Variants in TEAD1 observed in about 807,000 individuals in gnomAD.
TEAD1 encodes transcriptional enhancer factor TEF-1.
TEAD1 carries 9 observed loss-of-function variants against 54.9 expected under a neutral mutation model. The ratio of observed to expected loss-of-function variants is 0.16; its 90% CI spans 0.10 to 0.29. The LOEUF is 0.29. Among genes scored for constraint, TEAD1 ranks in the 10% least tolerant of loss-of-function variants. The probability of loss-of-function intolerance (pLI) is 1.00; values close to 1 mark genes in which losing one functional copy is unlikely to be tolerated. For synonymous variants in TEAD1, 200 were observed against 187.8 expected (o/e 1.07, Z -0.53); for missense variants, 387 against 535.9 (o/e 0.72, Z 2.74).
chr11:12,837,779 C>CTCTTTTTCCT lies in TEAD1; in HGVS notation c.203-24467_203-24466insTTTCCTTCTT, dbSNP rs1946934243. 1.4e-5 allele frequency among the ~76,000 whole-genome samples: 2 copies of CTCTTTTTCCT among 138,570 alleles called. 1 individual carries two copies. The highest frequency in any genetic ancestry group is 5.5e-5 in the African/African-American group (2 of 36,650). The allele number at this position is 138,570 out of a possible 152,430, so 90.9% of individuals were successfully genotyped here. On this transcript the variant is annotated intron_variant, in intron 3 of 12. Coordinates refer to ENST00000527636, the MANE Select transcript of TEAD1 (RefSeq NM_021961.6). Reference sequence around the variant, plus strand: ...CTTCCTCTTCTTCTTCCTTCTCTTCCTCTTCTTCCTTCTTTCTTCCTTCTT... The same window carrying CTCTTTTTCCT: ...CTTCCTCTTCTTCTTCCTTCTCTTCCTCTTTTTCCTTCTTCTTCCTTCTTTCTTCCTTCTT...
chr11:12,793,742 A>G (rs906271659), intron 3 of TEAD1, among the ~76,000 whole-genome samples: 3 of 152,236 alleles, frequency 2.0e-5, no homozygotes, highest in African/African-American at 7.2e-5. Context: ...TCAAAAGAGA[A>G]CTATCCTGGA....
At position 12,919,054 on chromosome 11, in the gene TEAD1, T is replaced by C. The variant is rs976060027; in HGVS notation, c.874-5858T>C. Reference sequence around the variant, plus strand: ...TTCATCTGGGTGCTGGCTCACTTGATGAAAATTAATCAAGCTGTAAACTTC... The same window carrying C: ...TTCATCTGGGTGCTGGCTCACTTGACGAAAATTAATCAAGCTGTAAACTTC... On this transcript the variant is annotated intron_variant, in intron 10 of 12. Transcript: ENST00000527636. 2.6e-5 allele frequency among the ~76,000 whole-genome samples: 4 copies of C among 152,226 alleles called. No individual in the cohort carries two copies. The South Asian group carries it at 8.3e-4, about 32-fold the overall frequency.
intron 3 of TEAD1, among the ~76,000 whole-genome samples, chr11:12,824,287 C>T (rs1946606717): frequency 6.6e-6 from 1 of 152,104 alleles, no homozygotes; most frequent in Non-Finnish European, 1.5e-5. Context: ...AAATATTCAG[C>T]CGTTGTCTGC....
intron 2 of TEAD1, among the ~76,000 whole-genome samples, chr11:12,758,525 C>T (rs1370966552): frequency 6.6e-6 from 1 of 151,842 alleles, no homozygotes; most frequent in Admixed American, 6.5e-5. Context: ...ATTCTCCCAC[C>T]TCAGCCTCCT....
chr11:12,793,450 T>G (rs1484709240), intron 3 of TEAD1, among the ~76,000 whole-genome samples: 1 of 152,232 alleles, frequency 6.6e-6, no homozygotes, highest in East Asian at 1.9e-4. Context: ...TCTTATAGTT[T>G]TTTTGATTTT....
chr11:12,908,885 T>TTTTTTTTGTTG, intron 10 of TEAD1, among the ~76,000 whole-genome samples: 1 of 145,320 alleles, frequency 6.9e-6, no homozygotes, highest in East Asian at 2.1e-4. Context: ...AATTATCTGT[T>TTTTTTTTGTTG]TTTTTTTTTT....
At position 12,870,747 on chromosome 11, in the gene TEAD1, A is replaced by G. The variant is rs11820551; in HGVS notation, c.330+5847A>G. ...CTAAAATACAAAAAATTAGCCAGGTATGGCAGTGTGCACCGGCAGTTATAG... is the reference window on the plus strand; with the variant it reads ...CTAAAATACAAAAAATTAGCCAGGTGTGGCAGTGTGCACCGGCAGTTATAG... On this transcript the variant is annotated intron_variant, in intron 5 of 12. Coordinates refer to ENST00000527636, the MANE Select transcript of TEAD1 (RefSeq NM_021961.6). 2.0e-5 allele frequency among the ~76,000 whole-genome samples: 3 copies of G among 152,122 alleles called. No homozygotes were observed. In the East Asian group the frequency reaches 5.8e-4, roughly 29 times the overall value.
At chr11:12,687,714 T>C (rs1295131093) in intron 2 of TEAD1, among the ~76,000 whole-genome samples, 1 of 152,196 alleles carries the variant, frequency 6.6e-6, no homozygotes, top group African/African-American at 2.4e-5. Context: ...TACAAACATA[T>C]GGCTAAGGTC....
chr11:12,844,959 CTT>C (rs3046338), intron 3 of TEAD1, among the ~76,000 whole-genome samples: 315 of 64,670 alleles, frequency 4.9e-3, no homozygotes, highest in Admixed American at 7.3e-3. Flanking sequence ...TGTATGAAAT[CTT>C]TTTTTTTTTT....
intron 3 of TEAD1, among the ~76,000 whole-genome samples, chr11:12,809,437 C>T (rs1473333864): frequency 1.3e-5 from 2 of 152,116 alleles, no homozygotes; most frequent in East Asian, 3.9e-4. Context: ...ATTGCTGGGC[C>T]CCCATTTCTG....
chr11:12,692,507 C>T (rs1404636137), intron 2 of TEAD1, among the ~76,000 whole-genome samples: 7 of 152,018 alleles, frequency 4.6e-5, no homozygotes, highest in Middle Eastern at 3.2e-3. Flanking sequence ...CCCACCACCC[C>T]GGCTTTTTTT....
intron 12 of TEAD1, among the ~76,000 whole-genome samples, chr11:12,931,684 C>T (rs1949012992): frequency 6.6e-6 from 1 of 152,100 alleles, no homozygotes; most frequent in Admixed American, 6.5e-5. Context: ...TGGGCAATTT[C>T]AAGCTACCGA....
chr11:12,697,988 A>G (rs1294250680), intron 2 of TEAD1, among the ~76,000 whole-genome samples: 3 of 149,102 alleles, frequency 2.0e-5, no homozygotes, highest in African/African-American at 7.5e-5. Flanking sequence ...ACGCCACTGC[A>G]CTCCAGCCTG....
chr11:12,781,542 G>C (rs979475516), intron 3 of TEAD1, among the ~76,000 whole-genome samples: 1 of 151,480 alleles, frequency 6.6e-6, no homozygotes, highest in Admixed American at 6.6e-5. Flanking sequence ...AAAGACATAC[G>C]TTGAAAAACA....
At position 12,688,198 on chromosome 11, in the gene TEAD1, A is replaced by G. The variant is rs139606275; in HGVS notation, c.-55+12637A>G. On this transcript the variant is annotated intron_variant, in intron 2 of 12. Coordinates refer to ENST00000527636, the MANE Select transcript of TEAD1 (RefSeq NM_021961.6). ...ACCCAGGTGACCAGCTTAGCCTGTG[A>G]TAGGTGATGGGCAGTGATGGGGGCA... Among the ~76,000 whole-genome samples, 69 of 152,194 alleles carry G rather than the reference A, an allele frequency of 4.5e-4. 2 individuals carry two copies. The East Asian group carries it at 0.011, about 25-fold the overall frequency.
At chr11:12,749,750 A>C (rs920152942) in intron 2 of TEAD1, among the ~76,000 whole-genome samples, 6 of 152,222 alleles carry the variant, frequency 3.9e-5, no homozygotes, top group African/African-American at 1.2e-4. Context: ...TGCCCACAGC[A>C]GGTGCTCCAG....
intron 12 of TEAD1, among the ~76,000 whole-genome samples, chr11:12,931,612 C>T (rs1353467539): frequency 2.6e-4 from 39 of 151,990 alleles, no homozygotes. Context: ...GGCTGTTTCC[C>T]AGTTTCCCAA....
chr11:12,793,637 A>G (rs1945853560), intron 3 of TEAD1, among the ~76,000 whole-genome samples: 1 of 152,218 alleles, frequency 6.6e-6, no homozygotes. Context: ...TTGGCATTCC[A>G]TTCATTCAAA....
chr11:12,901,738 G>T (rs1199395432), intron 9 of TEAD1, among the ~76,000 whole-genome samples: 1 of 152,176 alleles, frequency 6.6e-6, no homozygotes, highest in Non-Finnish European at 1.5e-5. Context: ...ATATGCCCTT[G>T]TCAGTAAAAA....
Sources: gnomAD v4.1 joint callset for allele counts (sites outside exome capture counted in the v4.1 genomes callset) on GRCh38, gnomAD v4.1.1 for gene constraint, MANE v1.5 for transcripts, NCBI Gene and HGNC (gene_info 2026-07-23, HGNC 2026-07-21) for gene names.